TBC1D10C: variants seen among roughly 807,000 people sequenced by gnomAD.
The protein encoded by TBC1D10C is carabin.
Under a neutral mutation model 51.0 loss-of-function variants are expected in TBC1D10C, and 49 were observed. The observed-to-expected ratio is 0.96, with a 90% CI of 0.76 to 1.22. The LOEUF (loss-of-function observed/expected upper bound fraction) is 1.22. Among genes scored for constraint, TBC1D10C ranks in the 50% most tolerant of loss-of-function variants. The pLI, the probability that TBC1D10C is intolerant of heterozygous loss-of-function variation, is 0.00. For missense variants in TBC1D10C, 541 were observed against 617.5 expected (o/e 0.88, Z 1.31); for synonymous variants, 281 against 266.7 (o/e 1.05, Z -0.52).
At chr11:67,408,926 G>C in intron 7 of TBC1D10C, 53 bp from the exon 8 acceptor site, 1 of 1,515,760 alleles carries the variant, frequency 6.6e-7, no homozygotes, top group Non-Finnish European at 8.8e-7. Context: ...TTTGGGTGCA[G>C]AACTGTGGAG....
rs370957615 is a variant in TBC1D10C, at chr11:67,408,887, A to G, written c.839-92A>G. 1.2e-4 allele frequency: 167 copies of G among 1,432,184 alleles called. 1 individual carries two copies. The East Asian group carries it at 3.7e-3, about 32-fold the overall frequency. 88.7% of individuals were successfully genotyped at this position (1,432,184 alleles called of 1,614,324 possible). A position where few individuals can be genotyped will look rare whatever the true frequency, so the allele number is the denominator to read the frequency against. On this transcript the variant is annotated intron_variant, in intron 7 of 8. Coordinates refer to ENST00000542590, the MANE Select transcript of TBC1D10C (RefSeq NM_001369496.1). Reference sequence around the variant, plus strand: ...GAACCGGGGAGGGCAGAGCTGCAGGAGAGTGGGAGGCATATGGCTGAGGGC... The same window carrying G: ...GAACCGGGGAGGGCAGAGCTGCAGGGGAGTGGGAGGCATATGGCTGAGGGC...
intron 5 of TBC1D10C, 121 bp downstream of exon 5, chr11:67,406,138 C>A: frequency 1.2e-6 from 1 of 838,434 alleles, no homozygotes; most frequent in Non-Finnish European, 1.8e-6. Flanking sequence ...CCTAGTGACC[C>A]AGGTCCTCAT....
In TBC1D10C at chr11:67,409,613, G is replaced by A. The variant is rs765511712; in HGVS notation, c.1200G>A (p.Glu400=). 13 of 1,558,638 alleles carry A rather than the reference G, an allele frequency of 8.3e-6. No individual in the cohort carries two copies. Among genetic ancestry groups the A allele is most frequent in the Non-Finnish European group, 1.0e-5 (12 of 1,152,334 alleles). ...CTCGGATTGTGGTGCAGCCCCCGGAGGAGCCCAGACCACCGCGGCGGAAAC... is the reference window on the plus strand; with the variant it reads ...CTCGGATTGTGGTGCAGCCCCCGGAAGAGCCCAGACCACCGCGGCGGAAAC... ...EVPRIVVQPP[E]EPRPPRRKPQ... is the part of the protein sequence containing the mutation. Residue 400 remains glutamate (E), a synonymous_variant, in exon 9 of 9, where the codon GAG becomes GAA. Coordinates refer to ENST00000542590, the MANE Select transcript of TBC1D10C (RefSeq NM_001369496.1).
intron 8 of TBC1D10C, 70 bp downstream of exon 8, chr11:67,409,203 G>A (rs1392804229): frequency 6.7e-7 from 1 of 1,487,734 alleles, no homozygotes; most frequent in Non-Finnish European, 9.0e-7. Context: ...TCCCAGAGCA[G>A]GAAGCCAAAG....
intron 5 of TBC1D10C, 62 bp from the exon 6 acceptor site, chr11:67,406,565 T>C (rs1863169894): frequency 6.9e-7 from 1 of 1,455,272 alleles, no homozygotes; most frequent in Non-Finnish European, 9.4e-7. Context: ...CTGTCCTGCC[T>C]TCTCCTCCAC....
At chr11:67,407,259 T>C in intron 7 of TBC1D10C, 2 of 521,704 alleles carry the variant, frequency 3.8e-6, no homozygotes, top group South Asian at 2.8e-5. Flanking sequence ...TCACAGCACA[T>C]GGAGGCCTGA....
At position 67,409,512 on chromosome 11, in the gene TBC1D10C, C is replaced by A; in HGVS notation, c.1099C>A (p.Arg367Ser). 1 of 1,548,426 alleles carries A rather than the reference C, an allele frequency of 6.5e-7. No individual in the cohort carries two copies. The highest frequency in any genetic ancestry group is 8.7e-7 in the Non-Finnish European group (1 of 1,146,286). The change falls in exon 9 of 9, where the codon CGC becomes AGC. Residue 367 changes from arginine to serine, a missense_variant. Coordinates refer to ENST00000542590, the MANE Select transcript of TBC1D10C (RefSeq NM_001369496.1). ...APGPPPRPQVRLAGAQAIFEA... is the reference protein window; with the variant it reads ...APGPPPRPQVSLAGAQAIFEA... ...GGGACCCCCGCCCCGGCCACAGGTCCGCCTCGCCGGGGCCCAAGCCATCTT... is the reference window on the plus strand; with the variant it reads ...GGGACCCCCGCCCCGGCCACAGGTCAGCCTCGCCGGGGCCCAAGCCATCTT...
chr11:67,409,326 C>T, intron 8 of TBC1D10C, 81 bp from the exon 9 acceptor site: 1 of 1,463,496 alleles, frequency 6.8e-7, no homozygotes, highest in South Asian at 1.3e-5. Flanking sequence ...CAGTCCTCAG[C>T]CACTTCCTGG....
chr11:67,406,976 C>T lies in TBC1D10C; in HGVS notation c.798C>T (p.Phe266=), dbSNP rs1417003204. 1.2e-6 allele frequency: 2 copies of T among 1,613,182 alleles called. No homozygotes were observed. Among genetic ancestry groups the T allele is most frequent in the South Asian group, 1.1e-5 (1 of 91,080 alleles). ...FLCLFARSLP[F]PTVLRVWDAF... ...GCCTCTTCGCCCGCTCCCTGCCCTT[C>T]CCCACAGTGCTGCGTGTCTGGGATG... is the stretch of plus-strand genomic sequence containing the variant. Residue 266 remains phenylalanine, a synonymous_variant, in exon 7 of 9, where the codon TTC becomes TTT. Coordinates refer to ENST00000542590, the MANE Select transcript of TBC1D10C (RefSeq NM_001369496.1).
At chr11:67,408,806 C>A in intron 7 of TBC1D10C, 173 bp from the exon 8 acceptor site, 1 of 778,580 alleles carries the variant, frequency 1.3e-6, no homozygotes, top group Non-Finnish European at 1.9e-6. Context: ...GCTAACTTGG[C>A]CAGTACAGCG....
rs1042505680 is a variant in TBC1D10C at position 67,409,518 on chromosome 11, G to A, written c.1105G>A (p.Ala369Thr). 21 of 1,548,300 alleles carry A rather than the reference G, an allele frequency of 1.4e-5. 1 individual carries two copies. Among genetic ancestry groups the A allele is most frequent in the South Asian group, 2.4e-5 (2 of 83,996 alleles). Residue 369 changes from alanine to threonine, a missense_variant, in exon 9 of 9, where the codon GCC becomes ACC. Ala to Thr is a moderately conservative substitution (Grantham distance 58). Coordinates refer to ENST00000542590, the MANE Select transcript of TBC1D10C (RefSeq NM_001369496.1). Reference sequence around the variant, plus strand: ...CCCGCCCCGGCCACAGGTCCGCCTCGCCGGGGCCCAAGCCATCTTTGAGGC... The same window carrying A: ...CCCGCCCCGGCCACAGGTCCGCCTCACCGGGGCCCAAGCCATCTTTGAGGC... ...GPPPRPQVRL[A>T]GAQAIFEAQQ... is the part of the protein sequence containing the mutation.
chr11:67,407,169 C>G, intron 7 of TBC1D10C, 153 bp downstream of exon 7: 1 of 938,896 alleles, frequency 1.1e-6, no homozygotes, highest in South Asian at 1.7e-5. Flanking sequence ...TCACCCATCA[C>G]CCATCACCCA....
intron 6 of TBC1D10C, 21 bp downstream of exon 6, chr11:67,406,713 C>G: frequency 1.3e-6 from 2 of 1,576,806 alleles, no homozygotes; most frequent in Non-Finnish European, 1.7e-6. Context: ...GACATGGGGG[C>G]TGGAGGAAGG....
rs145973830 is a variant in TBC1D10C at position 67,407,309 on chromosome 11, C to T, written c.838+293C>T. ...GTAGGAGGCGTTCCTCCCCAGAGCC[C>T]GCAGGCACCTGCTGGGTGCTCACTG... On this transcript the variant is annotated intron_variant, in intron 7 of 8. Transcript: ENST00000542590. 627 of 367,534 alleles carry T rather than the reference C, an allele frequency of 1.7e-3. 2 individuals carry two copies. The highest frequency in any genetic ancestry group is 2.5e-3 in the Non-Finnish European group (502 of 202,514). 22.8% of individuals were successfully genotyped at this position (367,534 alleles called of 1,614,324 possible). A position where few individuals can be genotyped will look rare whatever the true frequency, so the allele number is the denominator to read the frequency against.
At chr11:67,406,566 TCTC>T (rs1863170021) in intron 5 of TBC1D10C, 58 bp from the exon 6 acceptor site, 7 of 1,458,300 alleles carry the variant, frequency 4.8e-6, no homozygotes, top group South Asian at 1.2e-5. Flanking sequence ...TGTCCTGCCT[TCTC>T]CTCCACGGTC....
rs569273757 is a variant in TBC1D10C, at chr11:67,406,175, C to T, written c.582+158C>T. ...ACTGCCAGCCTCAGTGACCTTCAAG[C>T]CTAATGACCTTGACTCCAGGAACCT... On this transcript the variant is annotated intron_variant, in intron 5 of 8. Coordinates refer to ENST00000542590, the MANE Select transcript of TBC1D10C (RefSeq NM_001369496.1). The T allele has an allele frequency of 1.9e-4, 119 of 611,872 alleles. No individual in the cohort carries two copies. In the African/African-American group the frequency reaches 2.0e-3, roughly 10 times the overall value. The allele number at this position is 611,872 out of a possible 1,614,324, so 37.9% of individuals were successfully genotyped here. A position where few individuals can be genotyped will look rare whatever the true frequency, so the allele number is the denominator to read the frequency against.
At chr11:67,405,020 G>A in intron 1 of TBC1D10C, 65 bp from the exon 2 acceptor site, 1 of 1,439,876 alleles carries the variant, frequency 6.9e-7, no homozygotes, top group Non-Finnish European at 9.4e-7. Flanking sequence ...TAGCCTGGAG[G>A]GTGGCAGTGT....
chr11:67,404,187 G>C lies in TBC1D10C; in HGVS notation c.-16G>C. 1 of 1,500,312 alleles carries C rather than the reference G, an allele frequency of 6.7e-7. No individual in the cohort carries two copies. Among genetic ancestry groups the C allele is most frequent in the Non-Finnish European group, 8.9e-7 (1 of 1,121,456 alleles). The allele number at this position is 1,500,312 out of a possible 1,614,324, so 92.9% of individuals were successfully genotyped here. A position where few individuals can be genotyped will look rare whatever the true frequency, so the allele number is the denominator to read the frequency against. On this transcript the variant is annotated 5_prime_UTR_variant, in exon 1 of 9. Transcript: ENST00000542590. ...CCCCACTTTCTCTGCCTGTGGCATC[G>C]AAGGCCCCGGGCACCATGGCCCAGG... is the stretch of plus-strand genomic sequence containing the variant.
At position 67,409,068 on chromosome 11, in the gene TBC1D10C, G is replaced by T; in HGVS notation, c.928G>T (p.Glu310Ter). Residue 310 changes from glutamate to a stop codon, truncating the protein, a stop_gained, in exon 8 of 9, where the codon GAG becomes TAG. Transcript: ENST00000542590. LOFTEE classifies it high-confidence loss of function. The part of the protein sequence containing the change: ...EQRGACPGLL[E>*]TLGALRAIPP... ...GCGAGGGGCCTGCCCTGGCCTCCTGGAGACACTGGGAGCCCTTCGAGCCAT... is the reference window on the plus strand; with the variant it reads ...GCGAGGGGCCTGCCCTGGCCTCCTGTAGACACTGGGAGCCCTTCGAGCCAT... The T allele has an allele frequency of 6.2e-7, 1 of 1,603,598 alleles. No individual in the cohort carries two copies. The highest frequency in any genetic ancestry group is 2.2e-5 in the East Asian group (1 of 44,484).
Sources: allele counts gnomAD v4.1 joint callset, GRCh38; gene constraint gnomAD v4.1.1; transcripts MANE v1.5; gene names NCBI Gene and HGNC (gene_info 2026-07-23, HGNC 2026-07-21).